Variants in CYS1 observed in about 807,000 individuals in gnomAD.
CYS1 encodes cystin-1.
Under a neutral mutation model 9.6 loss-of-function variants are expected in CYS1, and 5 were observed. The ratio of observed to expected loss-of-function variants is 0.52; its 90% CI spans 0.27 to 1.10. The LOEUF is 1.10. Ranked by LOEUF, CYS1 falls within the 50% of genes least tolerant of loss-of-function variation. The pLI is 0.11. For missense variants in CYS1, 221 were observed against 207.9 expected (o/e 1.06, Z -0.39); for synonymous variants, 88 against 95.7 (o/e 0.92, Z 0.47).
At position 10,063,925 on chromosome 2, in the gene CYS1, G is replaced by C. The variant is rs1037295871; in HGVS notation, c.371+1979C>G. Among the ~76,000 whole-genome samples the C allele has an allele frequency of 2.0e-5, 3 of 152,210 alleles. No homozygotes were observed. Among genetic ancestry groups the C allele is most frequent in the African/African-American group, 7.2e-5 (3 of 41,444 alleles). On this transcript the variant is annotated intron_variant, in intron 2 of 2. Coordinates refer to ENST00000381813, the MANE Select transcript of CYS1 (RefSeq NM_001037160.3). This position sits in a 1 kb window ranked among gnomAD's most constrained non-coding sequence, Gnocchi z 4.2. ...AGCACTCAGGGAGGCTCCCATTAAA[G>C]TATACTGAATGAAAAGGCTGGGTGC...
chr2:10,071,000 T>A (rs1386527319), intron 1 of CYS1, among the ~76,000 whole-genome samples: 1 of 152,002 alleles, frequency 6.6e-6, no homozygotes, highest in Non-Finnish European at 1.5e-5. Flanking sequence ...GGAGTCTCGC[T>A]CTGTCATCCA....
intron 1 of CYS1, among the ~76,000 whole-genome samples, chr2:10,070,997 C>A (rs940410768): frequency 2.0e-5 from 3 of 150,056 alleles, no homozygotes; most frequent in African/African-American, 4.9e-5. Flanking sequence ...GACGGAGTCT[C>A]GCTCTGTCAT....
chr2:10,070,234 A>G (rs1661747556), intron 1 of CYS1, among the ~76,000 whole-genome samples: 1 of 152,194 alleles, frequency 6.6e-6, no homozygotes, highest in South Asian at 2.1e-4. Context: ...TTCAATGCCA[A>G]GGAGCTCCCC....
intron 1 of CYS1, among the ~76,000 whole-genome samples, chr2:10,070,993 G>A (rs1320674544): frequency 6.6e-6 from 1 of 151,874 alleles, no homozygotes; most frequent in East Asian, 1.9e-4. Flanking sequence ...TTGAGACGGA[G>A]TCTCGCTCTG....
intron 2 of CYS1, among the ~76,000 whole-genome samples, chr2:10,065,327 G>A (rs1347302283): frequency 6.6e-6 from 1 of 152,202 alleles, no homozygotes; most frequent in Admixed American, 6.5e-5. Flanking sequence ...GTGACCCCTT[G>A]CCACATTAGC....
intron 2 of CYS1, among the ~76,000 whole-genome samples, chr2:10,059,512 C>T (rs552651346): frequency 2.0e-5 from 3 of 152,232 alleles, no homozygotes; most frequent in Non-Finnish European, 4.4e-5. Flanking sequence ...GCCTGGCCAA[C>T]GTGGTGAAAT....
chr2:10,079,289 T>C (rs114586328), intron 1 of CYS1, among the ~76,000 whole-genome samples: 12,327 of 152,094 alleles, frequency 0.081, 527 homozygotes, highest in Middle Eastern at 0.17. Flanking sequence ...GACGAGGCCC[T>C]TGGCATCCTC....
At chr2:10,061,159 G>T (rs1352144197) in intron 2 of CYS1, among the ~76,000 whole-genome samples, 1 of 152,212 alleles carries the variant, frequency 6.6e-6, no homozygotes, top group Non-Finnish European at 1.5e-5. Flanking sequence ...TTGAGCCTGG[G>T]AAGTGGAGTT....
In CYS1 at chr2:10,063,896, G is replaced by C. The variant is rs1250835757; in HGVS notation, c.371+2008C>G. Among the ~76,000 whole-genome samples, 1 of 152,224 alleles carries C rather than the reference G, an allele frequency of 6.6e-6. No homozygotes were observed. Among genetic ancestry groups the C allele is most frequent in the Non-Finnish European group, 1.5e-5 (1 of 68,032 alleles). ...AGAGCCCTGGGCACTCCTACGCCTA[G>C]GGCAGCACTCAGGGAGGCTCCCATT... On this transcript the variant is annotated intron_variant, in intron 2 of 2. Coordinates refer to ENST00000381813, the MANE Select transcript of CYS1 (RefSeq NM_001037160.3). The surrounding 1 kb of genome is among the most constrained non-coding windows in gnomAD (Gnocchi z 4.2).
chr2:10,061,177 A>G (rs1229591705), intron 2 of CYS1, among the ~76,000 whole-genome samples: 1 of 152,204 alleles, frequency 6.6e-6, no homozygotes, highest in East Asian at 1.9e-4. Flanking sequence ...GTTTGCAATG[A>G]GCTGAAATTG....
rs893375288 is a variant in CYS1 at position 10,063,037 on chromosome 2, C to A, written c.371+2867G>T. 3.3e-5 allele frequency among the ~76,000 whole-genome samples: 5 copies of A among 152,246 alleles called. No individual in the cohort carries two copies. The highest frequency in any genetic ancestry group is 4.4e-5 in the Non-Finnish European group (3 of 68,040). Reference sequence around the variant, plus strand: ...GCAGCGACTTCCTCCCGCATGGCTGCTTCCCTCTGCTGCTTCCGCAGGGCC... The same window carrying A: ...GCAGCGACTTCCTCCCGCATGGCTGATTCCCTCTGCTGCTTCCGCAGGGCC... On this transcript the variant is annotated intron_variant, in intron 2 of 2. Transcript: ENST00000381813. This position sits in a 1 kb window ranked among gnomAD's most constrained non-coding sequence, Gnocchi z 4.2.
chr2:10,059,959 G>A (rs1661604527), intron 2 of CYS1, among the ~76,000 whole-genome samples: 1 of 152,270 alleles, frequency 6.6e-6, no homozygotes, highest in Admixed American at 6.5e-5. Flanking sequence ...AGACCTTCTG[G>A]ACTTTGTGTG....
At chr2:10,060,005 C>T (rs1362638244) in intron 2 of CYS1, among the ~76,000 whole-genome samples, 3 of 152,400 alleles carry the variant, frequency 2.0e-5, no homozygotes, top group Admixed American at 6.5e-5. Context: ...CCGGACCTGC[C>T]ACGGTTGTGT....
Position 10,057,221 on chromosome 2 carries a change from T to C in CYS1, c.*1632A>G, listed in dbSNP as rs1218598602. 6.6e-6 allele frequency: 1 copy of C among 152,280 alleles called. No individual in the cohort carries two copies. The highest frequency in any genetic ancestry group is 1.9e-4 in the East Asian group (1 of 5,202). The allele number at this position is 152,280 out of a possible 1,614,324, so 9.4% of individuals were successfully genotyped here. On this transcript the variant is annotated 3_prime_UTR_variant, in exon 3 of 3. Coordinates refer to ENST00000381813, the MANE Select transcript of CYS1 (RefSeq NM_001037160.3). ...AAGATGTATTTGCATTATTAAAATA[T>C]AGTAACGACTTCCATCTTTACATCA...
intron 1 of CYS1, among the ~76,000 whole-genome samples, chr2:10,078,079 C>T (rs1274432538): frequency 6.6e-6 from 1 of 150,640 alleles, no homozygotes; most frequent in Non-Finnish European, 1.5e-5. Context: ...GGACTCTAGC[C>T]TGGGCAACAG....
At chr2:10,066,391 C>T (rs566045141) in intron 1 of CYS1, among the ~76,000 whole-genome samples, 6 of 152,260 alleles carry the variant, frequency 3.9e-5, no homozygotes, top group East Asian at 1.9e-4. Context: ...CCACCTAGCA[C>T]GAGGACACCC....
At chr2:10,073,102 G>T (rs1661794328) in intron 1 of CYS1, among the ~76,000 whole-genome samples, 1 of 151,580 alleles carries the variant, frequency 6.6e-6, no homozygotes, top group Admixed American at 6.6e-5. Context: ...GGCTGTGTGG[G>T]AGTGGTGCAG....
chr2:10,078,031 G>A (rs1661879576), intron 1 of CYS1, among the ~76,000 whole-genome samples: 1 of 151,918 alleles, frequency 6.6e-6, no homozygotes, highest in Non-Finnish European at 1.5e-5. Context: ...GCTTGAACCT[G>A]GGAGGCACAG....
Position 10,076,309 on chromosome 2 carries a change from A to T in CYS1, c.318+3597T>A, listed in dbSNP as rs549632887. Reference sequence around the variant, plus strand: ...CTCAAAACCTCCTCTTATCCAGCCCATTCTGGGACTAAGATTTTCTGGTGA... The same window carrying T: ...CTCAAAACCTCCTCTTATCCAGCCCTTTCTGGGACTAAGATTTTCTGGTGA... On this transcript the variant is annotated intron_variant, in intron 1 of 2. Coordinates refer to ENST00000381813, the MANE Select transcript of CYS1 (RefSeq NM_001037160.3). This position sits in a 1 kb window ranked among gnomAD's most constrained non-coding sequence, Gnocchi z 4.3. Among the ~76,000 whole-genome samples, 1 of 152,310 alleles carries T rather than the reference A, an allele frequency of 6.6e-6. No homozygotes were observed. The highest frequency in any genetic ancestry group is 1.5e-5 in the Non-Finnish European group (1 of 68,028).
Sources: gnomAD v4.1 joint callset for allele counts (sites outside exome capture counted in the v4.1 genomes callset) on GRCh38, gnomAD v4.1.1 for gene constraint, Gnocchi (gnomAD v3.1) non-coding constraint, MANE v1.5 for transcripts, NCBI Gene and HGNC (gene_info 2026-07-23, HGNC 2026-07-21) for gene names.